ACAD10: variants seen among roughly 807,000 people sequenced by gnomAD.
The protein encoded by ACAD10 is ACAD-10.
In ACAD10, 112 loss-of-function variants were observed where a neutral mutation model predicts 116.8. That is an observed-to-expected ratio of 0.96 (90% confidence interval 0.82 to 1.12). ACAD10 has a LOEUF of 1.12. Among genes scored for constraint, ACAD10 ranks in the 50% most tolerant of loss-of-function variants. The probability of loss-of-function intolerance (pLI) is 0.00; values close to 1 mark genes in which losing one functional copy is unlikely to be tolerated. For missense variants in ACAD10, 1,259 were observed against 1,350.2 expected, an observed-to-expected ratio of 0.93 and a Z score of 1.06; for synonymous variants, 486 against 510.6, an observed-to-expected ratio of 0.95 and a Z score of 0.65.
intron 7 of ACAD10, 30 bp from the exon 8 acceptor site, chr12:111,721,641 A>G (rs1271681159): frequency 6.5e-7 from 1 of 1,548,204 alleles, no homozygotes; most frequent in South Asian, 1.2e-5. Flanking sequence ...TTCAGCCAGC[A>G]ATTTTGTTTA....
chr12:111,712,362 A>G, intron 5 of ACAD10, 136 bp from the exon 6 acceptor site: 1 of 783,810 alleles, frequency 1.3e-6, no homozygotes, highest in East Asian at 2.7e-5. Flanking sequence ...TGTTCAATAT[A>G]TATTCTCTGC....
chr12:111,735,125 G>A (rs1889510307), intron 11 of ACAD10, among the ~76,000 whole-genome samples: 1 of 151,740 alleles, frequency 6.6e-6, no homozygotes, highest in African/African-American at 2.4e-5. Flanking sequence ...TCAGGAGGCT[G>A]AGGCAGGAGA....
At chr12:111,731,162 C>T (rs953631899) in intron 10 of ACAD10, among the ~76,000 whole-genome samples, 1 of 152,212 alleles carries the variant, frequency 6.6e-6, no homozygotes, top group South Asian at 2.1e-4. Flanking sequence ...CCCTCGCTCC[C>T]GGCTTCTTCC....
At chr12:111,701,427 G>A (rs1372541112) in intron 2 of ACAD10, among the ~76,000 whole-genome samples, 1 of 151,716 alleles carries the variant, frequency 6.6e-6, no homozygotes, top group African/African-American at 2.4e-5. Flanking sequence ...TGGGAGGCCC[G>A]AGGCAGGCAG....
chr12:111,727,816 A>G (rs1889263108), intron 8 of ACAD10, 146 bp from the exon 9 acceptor site: 1 of 768,094 alleles, frequency 1.3e-6, no homozygotes, highest in Admixed American at 2.6e-5. Flanking sequence ...GTGAAAGGAA[A>G]AAGGAAGTAT....
intron 18 of ACAD10, among the ~76,000 whole-genome samples, chr12:111,751,265 G>A (rs868632530): frequency 1.1e-4 from 16 of 152,074 alleles, no homozygotes; most frequent in Middle Eastern, 3.2e-3. Flanking sequence ...TGATGCTGTG[G>A]AAATCTATTC....
At chr12:111,728,166 C>T in intron 9 of ACAD10, 23 bp downstream of exon 9, 1 of 1,569,446 alleles carries the variant, frequency 6.4e-7, no homozygotes, top group Non-Finnish European at 8.6e-7. Context: ...CCACGTCTCC[C>T]ATGCTGGTTG....
intron 2 of ACAD10, among the ~76,000 whole-genome samples, chr12:111,698,992 AC>A (rs1157684941): frequency 6.6e-6 from 1 of 151,142 alleles, no homozygotes; most frequent in Non-Finnish European, 1.5e-5. Flanking sequence ...CTATCCTCCC[AC>A]CTCAGCCTCA....
rs542345800 is a variant in ACAD10 at position 111,730,774 on chromosome 12, C to G, written c.1394+818C>G. Among the ~76,000 whole-genome samples the G allele has an allele frequency of 2.8e-5, 4 of 144,352 alleles. No individual in the cohort carries two copies. The East Asian group carries it at 8.3e-4, about 30-fold the overall frequency. The allele number at this position is 144,352 out of a possible 152,430, so 94.7% of individuals were successfully genotyped here. On this transcript the variant is annotated intron_variant, in intron 10 of 20. Transcript: ENST00000313698. ...CGTTTCTTTTTTTTTTTTTTTTAGA[C>G]ATCGTCTCACTCAGTCGCCCAGGCT...
chr12:111,745,003 C>T lies in ACAD10; in HGVS notation c.2075C>T (p.Ala692Val), dbSNP rs759854443. The change falls in exon 13 of 21, where the codon GCA (alanine) becomes GTA (valine). Residue 692 changes from alanine (A) to valine (V), a missense_variant. Coordinates refer to ENST00000313698, the MANE Select transcript of ACAD10 (RefSeq NM_025247.6). ...GAGCTGCAGAGTCACCAGGCCTCAG[C>T]AGCCAGGTGGAGCCCCTCCCCACTG... ...EPELQSHQAS[A>V]ARWSPSPLIE... is the part of the protein sequence containing the mutation. 1 of 1,613,980 alleles carries T rather than the reference C, an allele frequency of 6.2e-7. No homozygotes were observed. The highest frequency in any genetic ancestry group is 2.2e-5 in the East Asian group (1 of 44,888).
At chr12:111,752,193 G>A (rs1289608126) in intron 18 of ACAD10, among the ~76,000 whole-genome samples, 1 of 151,750 alleles carries the variant, frequency 6.6e-6, no homozygotes, top group Non-Finnish European at 1.5e-5. Context: ...CCATTGCACT[G>A]CAGCCTGGGT....
At chr12:111,741,685 C>T (rs1321929653) in intron 12 of ACAD10, among the ~76,000 whole-genome samples, 1 of 152,180 alleles carries the variant, frequency 6.6e-6, no homozygotes, top group African/African-American at 2.4e-5. Context: ...CAACAAAATC[C>T]ATTTTTTGAA....
chr12:111,720,347 A>G (rs767624584), intron 7 of ACAD10, among the ~76,000 whole-genome samples: 1 of 152,172 alleles, frequency 6.6e-6, no homozygotes, highest in Non-Finnish European at 1.5e-5. Flanking sequence ...AGATAAATCT[A>G]TTTTTGTCTA....
In ACAD10 at chr12:111,705,854, G is replaced by T; in HGVS notation, c.453G>T (p.Gln151His). 1 of 1,614,168 alleles carries T rather than the reference G, an allele frequency of 6.2e-7. No homozygotes were observed. The highest frequency in any genetic ancestry group is 8.5e-7 in the Non-Finnish European group (1 of 1,180,032). The change falls in exon 4 of 21, where the codon CAG becomes CAT. Residue 151 changes from glutamine to histidine, a missense_variant. Transcript: ENST00000313698. ...AITQIRAKGL[Q>H]TAVLSNNFYL... is the part of the protein sequence containing the mutation. The stretch of plus-strand genomic sequence containing the variant: ...CTCAAATTCGGGCAAAAGGTCTTCA[G>T]ACTGCAGTCTTGAGCAATAATTTTT...
At chr12:111,690,033 A>C (rs935416515) in intron 1 of ACAD10, among the ~76,000 whole-genome samples, 10 of 152,182 alleles carry the variant, frequency 6.6e-5, no homozygotes, top group African/African-American at 2.2e-4. Context: ...AATATTTTCT[A>C]TTGTAGTTGG....
Position 111,753,848 on chromosome 12 carries a change from TGGA to T in ACAD10, c.2896_2898del (p.Glu966del). The T allele has an allele frequency of 3.7e-6, 6 of 1,613,824 alleles. No homozygotes were observed. The highest frequency in any genetic ancestry group is 5.1e-6 in the Non-Finnish European group (6 of 1,179,982). On this transcript the variant is annotated inframe_deletion, in exon 19 of 21. Coordinates refer to ENST00000313698, the MANE Select transcript of ACAD10 (RefSeq NM_025247.6). ...CTGGCGGACATCGCGCAGTCGCGCGTGGAGATTGAGCAGGCACGGCTGCTGGTG... is the reference window on the plus strand; with the variant it reads ...CTGGCGGACATCGCGCAGTCGCGCGTGATTGAGCAGGCACGGCTGCTGGTG...
intron 1 of ACAD10, among the ~76,000 whole-genome samples, chr12:111,686,664 C>G (rs990880948): frequency 2.6e-5 from 4 of 152,106 alleles, no homozygotes; most frequent in African/African-American, 9.7e-5. Flanking sequence ...TGCAGTGAGT[C>G]GAGATAGTGC....
intron 2 of ACAD10, 125 bp from the exon 3 acceptor site, chr12:111,702,037 T>C: frequency 9.6e-7 from 1 of 1,044,728 alleles, no homozygotes; most frequent in East Asian, 2.5e-5. Context: ...TGTCTGCAAA[T>C]TTCCAACAGC....
chr12:111,709,656 C>T lies in ACAD10; in HGVS notation c.662C>T (p.Ala221Val). Residue 221 changes from alanine to valine, a missense_variant, in exon 5 of 21, where the codon GCT (alanine) becomes GTT (valine). Coordinates refer to ENST00000313698, the MANE Select transcript of ACAD10 (RefSeq NM_025247.6). ...LDDLGTNLKE[A>V]ARLGIHTIKV... is the part of the protein sequence containing the mutation. ...GACCTTGGAACAAATCTAAAAGAAG[C>T]TGCCAGACTTGGTATTCACACCATT... 6.2e-7 allele frequency: 1 copy of T among 1,613,564 alleles called. No homozygotes were observed. Among genetic ancestry groups the T allele is most frequent in the Non-Finnish European group, 8.5e-7 (1 of 1,179,878 alleles).
Sources: gnomAD v4.1 joint callset for allele counts (sites outside exome capture counted in the v4.1 genomes callset) on GRCh38, gnomAD v4.1.1 for gene constraint, MANE v1.5 for transcripts, NCBI Gene and HGNC (gene_info 2026-07-23, HGNC 2026-07-21) for gene names.